Variants in DENND2B observed in about 807,000 individuals in gnomAD.
DENND2B encodes the protein DENN domain-containing protein 2B.
Under a neutral mutation model 116.0 loss-of-function variants are expected in DENND2B, and 32 were observed. The ratio of observed to expected loss-of-function variants is 0.28; its 90% CI spans 0.21 to 0.37. DENND2B has a LOEUF of 0.37. Among genes scored for constraint, DENND2B ranks in the 10% least tolerant of loss-of-function variants. The probability of loss-of-function intolerance (pLI) is 1.00; values close to 1 mark genes in which losing one functional copy is unlikely to be tolerated. For synonymous variants in DENND2B, 588 were observed against 583.9 expected, an observed-to-expected ratio of 1.01 and a Z score of -0.10; for missense variants, 1,276 against 1,477.7, an observed-to-expected ratio of 0.86 and a Z score of 2.24.
At chr11:8,826,873 T>C (rs761060507) in intron 4 of DENND2B, among the ~76,000 whole-genome samples, 30 of 152,230 alleles carry the variant, frequency 2.0e-4, no homozygotes, top group African/African-American at 2.9e-4. Context: ...GAGATCAACA[T>C]TGAACAACCT....
At chr11:8,778,291 T>C (rs1276778230) in intron 1 of DENND2B, among the ~76,000 whole-genome samples, 2 of 152,160 alleles carry the variant, frequency 1.3e-5, no homozygotes, top group Non-Finnish European at 2.9e-5. Flanking sequence ...CACTTCCTAC[T>C]TGACTGCTTT....
chr11:8,787,335 G>A (rs528252243), intron 1 of DENND2B: 1 of 74,010 alleles, frequency 1.4e-5, no homozygotes, highest in South Asian at 7.8e-4. Context: ...AGAGCTGACA[G>A]TTTTCTTTTT....
At chr11:8,828,477 A>C (rs1051605643) in intron 4 of DENND2B, among the ~76,000 whole-genome samples, 9 of 152,118 alleles carry the variant, frequency 5.9e-5, no homozygotes, top group Admixed American at 2.0e-4. Flanking sequence ...GCAGACCACA[A>C]GAACCCACTC....
upstream of DENND2B, among the ~76,000 whole-genome samples, chr11:8,876,195 G>A (rs2063839205): frequency 6.6e-6 from 1 of 152,018 alleles, no homozygotes; most frequent in South Asian, 2.1e-4. Context: ...AGACCAGCCT[G>A]GGCAACATAG....
Position 8,694,081 on chromosome 11 carries a change from T to C in DENND2B, c.*15A>G. 8 of 1,614,120 alleles carry C rather than the reference T, an allele frequency of 5.0e-6. No homozygotes were observed. Among genetic ancestry groups the C allele is most frequent in the Non-Finnish European group, 6.8e-6 (8 of 1,180,014 alleles). ...GGCTCTGCAAGGCACTGGACTCTGC[T>C]ACTGAGAAGGAGGCTTAATTCTTCT... On this transcript the variant is annotated 3_prime_UTR_variant, in exon 20 of 20. Coordinates refer to ENST00000313726, the MANE Select transcript of DENND2B (RefSeq NM_213618.2).
intron 2 of DENND2B, among the ~76,000 whole-genome samples, chr11:8,742,439 T>C (rs1262979476): frequency 6.6e-6 from 1 of 152,094 alleles, no homozygotes; most frequent in Non-Finnish European, 1.5e-5. Context: ...GGGCTGTCAG[T>C]AGGGGCATAA....
intron 1 of DENND2B, chr11:8,766,786 G>T: frequency 1.3e-6 from 1 of 793,550 alleles, no homozygotes; most frequent in Non-Finnish European, 1.8e-6. Context: ...CATTTTAGGT[G>T]GGGGTGCTGG....
chr11:8,835,136 C>A (rs546696418), intron 4 of DENND2B, among the ~76,000 whole-genome samples: 1 of 151,986 alleles, frequency 6.6e-6, no homozygotes, highest in African/African-American at 2.4e-5. Context: ...CCCAGCTACT[C>A]GGGAGGCTGA....
chr11:8,801,578 G>A (rs1346674651), intron 1 of DENND2B, among the ~76,000 whole-genome samples: 2 of 151,834 alleles, frequency 1.3e-5, no homozygotes, highest in African/African-American at 4.8e-5. Context: ...TCGGTAGGCT[G>A]AGACAGGAGA....
intron 4 of DENND2B, among the ~76,000 whole-genome samples, chr11:8,838,172 A>C (rs1460165449): frequency 1.3e-5 from 2 of 152,224 alleles, no homozygotes; most frequent in African/African-American, 4.8e-5. Flanking sequence ...TCCACTAAGG[A>C]TGCTCACACT....
chr11:8,836,413 C>CTTTTTTT (rs67181023), intron 4 of DENND2B, among the ~76,000 whole-genome samples: 10 of 77,550 alleles, frequency 1.3e-4, no homozygotes, highest in East Asian at 4.5e-4. Flanking sequence ...TTCTGTACTT[C>CTTTTTTT]TTTTTTTTTT....
chr11:8,892,915 G>A (rs1315063105), intron 1 of DENND2B, among the ~76,000 whole-genome samples: 1 of 152,154 alleles, frequency 6.6e-6, no homozygotes, highest in East Asian at 1.9e-4. Context: ...GCATCATTCT[G>A]ATACCAAAGC....
rs558140215 is a variant in DENND2B, at chr11:8,735,532, G to A, written c.81-4323C>T. Among the ~76,000 whole-genome samples the A allele has an allele frequency of 1.6e-3, 240 of 152,366 alleles. 1 individual carries two copies. The highest frequency in any genetic ancestry group is 2.5e-3 in the Admixed American group (39 of 15,314). ...TGCAGGTGGGAAAGGCCACGCCTGC[G>A]TATCATTGGCCCATCCCATCCCAAT... On this transcript the variant is annotated intron_variant, in intron 2 of 19. Coordinates refer to ENST00000313726, the MANE Select transcript of DENND2B (RefSeq NM_213618.2).
intron 1 of DENND2B, among the ~76,000 whole-genome samples, chr11:8,770,824 G>A (rs536565024): frequency 2.6e-4 from 39 of 152,244 alleles, no homozygotes; most frequent in African/African-American, 8.9e-4. Context: ...CCAAGTAGCT[G>A]GGATGATAGG....
intron 2 of DENND2B, among the ~76,000 whole-genome samples, chr11:8,880,290 A>G (rs2063888446): frequency 6.6e-6 from 1 of 151,698 alleles, no homozygotes; most frequent in Admixed American, 6.6e-5. Context: ...GAGCCAAAAT[A>G]TTTAAGAGCT....
At chr11:8,812,872 G>A (rs2061440795), upstream of DENND2B, among the ~76,000 whole-genome samples, 1 of 152,178 alleles carries the variant, frequency 6.6e-6, no homozygotes, top group Non-Finnish European at 1.5e-5. Context: ...CCCAGGATGA[G>A]GACACTGAGG....
chr11:8,900,327 G>A (rs2064149993), intron 1 of DENND2B, among the ~76,000 whole-genome samples: 1 of 151,654 alleles, frequency 6.6e-6, no homozygotes, highest in South Asian at 2.1e-4. Flanking sequence ...AGCTACTCAG[G>A]AGGCTGAGGC....
chr11:8,734,872 G>C (rs939459365), intron 2 of DENND2B, among the ~76,000 whole-genome samples: 3 of 151,490 alleles, frequency 2.0e-5, no homozygotes, highest in Non-Finnish European at 2.9e-5. Context: ...CATTGAGCTT[G>C]GGGCCTAACA....
intron 1 of DENND2B, chr11:8,776,158 GCGCACACA>G (rs2057666667): frequency 8.6e-5 from 29 of 338,580 alleles, no homozygotes; most frequent in African/African-American, 3.2e-4. Flanking sequence ...ACGCGCGCGC[GCGCACACA>G]CACACACACA....
Sources: gnomAD v4.1 joint callset for allele counts (sites outside exome capture counted in the v4.1 genomes callset) on GRCh38, gnomAD v4.1.1 for gene constraint, MANE v1.5 for transcripts, NCBI Gene and HGNC (gene_info 2026-07-23, HGNC 2026-07-21) for gene names.